The following UBAC2 variants were observed in gnomAD, a reference collection of about 807,000 sequenced individuals.
UBAC2 encodes ubiquitin-associated domain-containing protein 2.
In UBAC2, 26 loss-of-function variants were observed where a neutral mutation model predicts 44.0. That is an observed-to-expected ratio of 0.59 (90% CI 0.43 to 0.82). The LOEUF (loss-of-function observed/expected upper bound fraction) is 0.82, where lower values mean the gene tolerates loss of function less well. Among genes scored for constraint, UBAC2 ranks in the 40% least tolerant of loss-of-function variants. The pLI is 0.00. For missense variants in UBAC2, 329 were observed against 419.4 expected (o/e 0.78, Z 1.88); for synonymous variants, 155 against 154.3 (o/e 1.00, Z -0.04).
intron 7 of UBAC2, chr13:99,351,819 G>A (rs147518716): frequency 1.1e-3 from 506 of 455,602 alleles, no homozygotes; most frequent in Non-Finnish European, 1.9e-3. Context: ...TCTTTTAACT[G>A]CCTCCTCATC....
intron 4 of UBAC2, among the ~76,000 whole-genome samples, chr13:99,247,374 C>T (rs2043399216): frequency 6.6e-6 from 1 of 151,288 alleles, no homozygotes; most frequent in African/African-American, 2.4e-5. Context: ...GCTACCACGC[C>T]CGGCTAATTT....
chr13:99,265,379 C>T (rs984986188), intron 4 of UBAC2, among the ~76,000 whole-genome samples: 1 of 152,174 alleles, frequency 6.6e-6, no homozygotes, highest in East Asian at 1.9e-4. Context: ...GGCCAGCTGC[C>T]GCTGTGCTTC....
intron 1 of UBAC2, among the ~76,000 whole-genome samples, chr13:99,236,695 C>T (rs1330618800): frequency 6.6e-6 from 1 of 152,080 alleles, no homozygotes; most frequent in Middle Eastern, 3.2e-3. Flanking sequence ...ACTAAAAATA[C>T]AGAAATTAGC....
intron 5 of UBAC2, among the ~76,000 whole-genome samples, chr13:99,316,476 T>A (rs1594120241): frequency 6.6e-6 from 1 of 152,058 alleles, no homozygotes; most frequent in Admixed American, 6.5e-5. Context: ...GCCAAAATGC[T>A]TAAGGCTCAT....
At chr13:99,229,995 G>T (rs559672359) in intron 1 of UBAC2, among the ~76,000 whole-genome samples, 2 of 152,270 alleles carry the variant, frequency 1.3e-5, no homozygotes, top group African/African-American at 4.8e-5. Context: ...ACCTTTCTGA[G>T]TTTGGCTGAG....
At chr13:99,319,710 A>G (rs1357212949) in intron 6 of UBAC2, among the ~76,000 whole-genome samples, 1 of 152,168 alleles carries the variant, frequency 6.6e-6, no homozygotes, top group Non-Finnish European at 1.5e-5. Flanking sequence ...CACCTAAGCT[A>G]TCCGTCTGGT....
chr13:99,368,026 C>A, intron 8 of UBAC2, 120 bp downstream of exon 8: 4 of 1,162,308 alleles, frequency 3.4e-6, no homozygotes, highest in African/African-American at 3.1e-5. Context: ...GACAGCAGTC[C>A]ATCTGCCACC....
intron 4 of UBAC2, among the ~76,000 whole-genome samples, chr13:99,257,808 A>G (rs1258335719): frequency 6.6e-6 from 1 of 152,210 alleles, no homozygotes; most frequent in Non-Finnish European, 1.5e-5. Context: ...TCTTTCCTTA[A>G]GTTGAAAAAA....
At chr13:99,324,316 A>G (rs766534830) in intron 6 of UBAC2, among the ~76,000 whole-genome samples, 1 of 152,160 alleles carries the variant, frequency 6.6e-6, no homozygotes, top group Non-Finnish European at 1.5e-5. Flanking sequence ...TACACTAGCC[A>G]CTAAAATATG....
intron 4 of UBAC2, among the ~76,000 whole-genome samples, chr13:99,284,747 CTCAG>C (rs1361759854): frequency 1.3e-5 from 2 of 152,194 alleles, no homozygotes; most frequent in Admixed American, 6.5e-5. Context: ...CGGACTGTTC[CTCAG>C]TCTGTCTTGG....
chr13:99,318,737 C>T (rs1448592889), intron 6 of UBAC2, among the ~76,000 whole-genome samples: 1 of 144,032 alleles, frequency 6.9e-6, no homozygotes, highest in African/African-American at 2.6e-5. Flanking sequence ...AGGAGAATGG[C>T]GTGGAACCCG....
chr13:99,350,628 TC>T (rs1371090087), intron 7 of UBAC2, among the ~76,000 whole-genome samples: 1 of 152,242 alleles, frequency 6.6e-6, no homozygotes, highest in Non-Finnish European at 1.5e-5. Context: ...ATCTGACTGT[TC>T]ATCTGTATCC....
At chr13:99,282,080 C>T (rs1406732659) in intron 4 of UBAC2, among the ~76,000 whole-genome samples, 1 of 152,178 alleles carries the variant, frequency 6.6e-6, no homozygotes, top group Non-Finnish European at 1.5e-5. Context: ...TAACCCTTTG[C>T]GGTGGGGGCG....
Position 99,249,820 on chromosome 13 carries a change from G to A in UBAC2, c.389+5196G>A, listed in dbSNP as rs370064261. Reference sequence around the variant, plus strand: ...GTGGTTTTGATTTGCATTTCTTGATGATTACCTTTGAGCATTTTTTCTTGT... The same window carrying A: ...GTGGTTTTGATTTGCATTTCTTGATAATTACCTTTGAGCATTTTTTCTTGT... On this transcript the variant is annotated intron_variant, in intron 4 of 8. Transcript: ENST00000403766. Among the ~76,000 whole-genome samples, 212 of 152,126 alleles carry A rather than the reference G, an allele frequency of 1.4e-3. 2 individuals carry two copies. Among genetic ancestry groups the A allele is most frequent in the African/African-American group, 5.0e-3 (207 of 41,528 alleles).
chr13:99,202,475 T>A (rs2042816066), intron 1 of UBAC2, among the ~76,000 whole-genome samples: 1 of 152,214 alleles, frequency 6.6e-6, no homozygotes, highest in African/African-American at 2.4e-5. Flanking sequence ...AATTGTTCTT[T>A]AGCATTTTGA....
At chr13:99,230,988 C>T (rs1008212520) in intron 1 of UBAC2, among the ~76,000 whole-genome samples, 4 of 151,974 alleles carry the variant, frequency 2.6e-5, no homozygotes, top group Non-Finnish European at 4.4e-5. Context: ...GCGGAGGTTG[C>T]AGTGAGCTGA....
chr13:99,320,444 G>T (rs1283995984), intron 6 of UBAC2, among the ~76,000 whole-genome samples: 3 of 152,122 alleles, frequency 2.0e-5, no homozygotes, highest in African/African-American at 7.2e-5. Context: ...GCATTTTAAA[G>T]AACCCTACTA....
At chr13:99,204,295 TC>T (rs1325054758) in intron 1 of UBAC2, among the ~76,000 whole-genome samples, 1 of 152,138 alleles carries the variant, frequency 6.6e-6, no homozygotes, top group Admixed American at 6.5e-5. Flanking sequence ...AAGGAAGACT[TC>T]CCAATGTAGC....
At chr13:99,302,291 G>T (rs1160059185) in intron 4 of UBAC2, among the ~76,000 whole-genome samples, 1 of 152,172 alleles carries the variant, frequency 6.6e-6, no homozygotes, top group African/African-American at 2.4e-5. Context: ...TTCTGGAGCA[G>T]GGAGAAATAA....
Sources: gnomAD v4.1 joint callset for allele counts (sites outside exome capture counted in the v4.1 genomes callset) on GRCh38, gnomAD v4.1.1 for gene constraint, MANE v1.5 for transcripts, NCBI Gene and HGNC (gene_info 2026-07-23, HGNC 2026-07-21) for gene names.